The following PRKCE variants were observed in gnomAD, a reference collection of about 807,000 sequenced individuals.
The protein encoded by PRKCE is protein kinase C epsilon.
PRKCE carries 16 observed loss-of-function variants against 85.4 expected under a neutral mutation model. The ratio of observed to expected loss-of-function variants is 0.19; its 90% CI spans 0.13 to 0.28. PRKCE has a LOEUF of 0.28. Ranked by LOEUF, PRKCE falls within the 10% of genes least tolerant of loss-of-function variation. The pLI, the probability that PRKCE is intolerant of heterozygous loss-of-function variation, is 1.00. For missense variants in PRKCE, 573 were observed against 975.2 expected, an observed-to-expected ratio of 0.59 and a Z score of 5.49; for synonymous variants, 388 against 371.5, an observed-to-expected ratio of 1.04 and a Z score of -0.51.
Position 46,104,365 on chromosome 2 carries a change from C to A in PRKCE, c.1592+18003C>A, listed in dbSNP as rs567087758. ...TTTTCTTGATTGGTCTGTTGTAAATCCTGTGAAGTCATGCACAACATCTCA... is the reference window on the plus strand; with the variant it reads ...TTTTCTTGATTGGTCTGTTGTAAATACTGTGAAGTCATGCACAACATCTCA... On this transcript the variant is annotated intron_variant, in intron 11 of 14. Coordinates refer to ENST00000306156, the MANE Select transcript of PRKCE (RefSeq NM_005400.3). Among the ~76,000 whole-genome samples, 5 of 136,870 alleles carry A rather than the reference C, an allele frequency of 3.7e-5. No homozygotes were observed. In the South Asian group the frequency reaches 1.2e-3, roughly 32 times the overall value. 89.8% of individuals were successfully genotyped at this position (136,870 alleles called of 152,430 possible).
chr2:45,725,317 C>T (rs1387407815), intron 1 of PRKCE, among the ~76,000 whole-genome samples: 10 of 152,206 alleles, frequency 6.6e-5, no homozygotes, highest in Non-Finnish European at 1.2e-4. Context: ...ATTGACAGTG[C>T]ACCTAGTCAA....
chr2:46,091,994 C>T (rs939459083), intron 11 of PRKCE, among the ~76,000 whole-genome samples: 6 of 152,110 alleles, frequency 3.9e-5, no homozygotes, highest in Admixed American at 6.5e-5. Context: ...GCGTAAAGTC[C>T]GTTTTTCTTC....
At chr2:45,884,898 C>T (rs1488057370) in intron 2 of PRKCE, among the ~76,000 whole-genome samples, 2 of 148,146 alleles carry the variant, frequency 1.4e-5, no homozygotes, top group East Asian at 2.0e-4. Context: ...CATATACACA[C>T]GGACACAGAC....
intron 2 of PRKCE, among the ~76,000 whole-genome samples, chr2:45,940,591 G>A (rs1699801287): frequency 6.6e-6 from 1 of 152,124 alleles, no homozygotes; most frequent in African/African-American, 2.4e-5. Context: ...TGTATCCAGG[G>A]CCAGGTACAT....
At chr2:45,711,295 T>C (rs1573020910) in intron 1 of PRKCE, among the ~76,000 whole-genome samples, 1 of 152,200 alleles carries the variant, frequency 6.6e-6, no homozygotes, top group East Asian at 1.9e-4. Context: ...CTTTCCACAG[T>C]GCTGGGCATA....
At chr2:45,993,262 T>C (rs1703955554) in intron 6 of PRKCE, among the ~76,000 whole-genome samples, 1 of 152,208 alleles carries the variant, frequency 6.6e-6, no homozygotes, top group Non-Finnish European at 1.5e-5. Context: ...GGCCTCCCAG[T>C]GACACCTGCA....
intron 1 of PRKCE, among the ~76,000 whole-genome samples, chr2:45,696,954 C>T (rs1000452239): frequency 1.3e-5 from 2 of 152,174 alleles, no homozygotes; most frequent in African/African-American, 4.8e-5. Flanking sequence ...TCCCAGGGCC[C>T]CACACCCCAC....
At chr2:46,051,933 A>C (rs1708883540) in intron 10 of PRKCE, among the ~76,000 whole-genome samples, 1 of 152,170 alleles carries the variant, frequency 6.6e-6, no homozygotes, top group Non-Finnish European at 1.5e-5. Context: ...AAGCCATCAG[A>C]TCTCGTGAGA....
At chr2:46,050,162 T>G (rs1159647446) in intron 10 of PRKCE, among the ~76,000 whole-genome samples, 2 of 152,236 alleles carry the variant, frequency 1.3e-5, no homozygotes, top group Non-Finnish European at 2.9e-5. Flanking sequence ...TGAAGTCATT[T>G]CCCTGAAATC....
At chr2:46,053,168 G>A (rs1299011636) in intron 10 of PRKCE, among the ~76,000 whole-genome samples, 1 of 152,224 alleles carries the variant, frequency 6.6e-6, no homozygotes, top group Non-Finnish European at 1.5e-5. Flanking sequence ...AACATGGGGA[G>A]AAGCCCCACT....
intron 1 of PRKCE, among the ~76,000 whole-genome samples, chr2:45,772,849 T>C (rs12622534): frequency 0.43 from 64,595 of 151,930 alleles, 16,439 homozygotes; most frequent in Non-Finnish European, 0.56. Flanking sequence ...TGGAAAGGCA[T>C]GCTGCATGAA....
chr2:45,797,416 G>A (rs773406443), intron 1 of PRKCE, among the ~76,000 whole-genome samples: 7 of 152,194 alleles, frequency 4.6e-5, no homozygotes, highest in Non-Finnish European at 1.0e-4. Context: ...GTTTACACCT[G>A]TGGACCCAGT....
At chr2:45,747,171 G>C (rs992922674) in intron 1 of PRKCE, among the ~76,000 whole-genome samples, 1 of 152,082 alleles carries the variant, frequency 6.6e-6, no homozygotes, top group African/African-American at 2.4e-5. Flanking sequence ...AAACAACTGG[G>C]TATTTTTTTT....
intron 1 of PRKCE, among the ~76,000 whole-genome samples, chr2:45,710,074 G>A (rs1014943389): frequency 6.6e-6 from 1 of 152,210 alleles, no homozygotes; most frequent in African/African-American, 2.4e-5. Flanking sequence ...GGGATTACAG[G>A]CTTAGGCTAC....
intron 1 of PRKCE, among the ~76,000 whole-genome samples, chr2:45,824,326 T>G (rs967876592): frequency 6.6e-6 from 1 of 152,240 alleles, no homozygotes; most frequent in East Asian, 1.9e-4. Context: ...AACTCCTTTC[T>G]TTCCAAAGCC....
At chr2:45,862,639 C>T (rs774883913) in intron 2 of PRKCE, among the ~76,000 whole-genome samples, 1 of 152,132 alleles carries the variant, frequency 6.6e-6, no homozygotes, top group Non-Finnish European at 1.5e-5. Flanking sequence ...TCTGGGAAAC[C>T]AATTGCCAAG....
chr2:45,699,371 C>G (rs1164293645), intron 1 of PRKCE, among the ~76,000 whole-genome samples: 1 of 152,188 alleles, frequency 6.6e-6, no homozygotes, highest in African/African-American at 2.4e-5. Flanking sequence ...CTTTTTCTTT[C>G]TCTGTCTCTC....
intron 8 of PRKCE, among the ~76,000 whole-genome samples, chr2:46,006,210 G>A (rs13017044): frequency 0.22 from 33,315 of 152,206 alleles, 4,023 homozygotes; most frequent in African/African-American, 0.31. Context: ...CCCTTGTAAA[G>A]ACACATAGAA....
intron 1 of PRKCE, among the ~76,000 whole-genome samples, chr2:45,691,591 G>T (rs557113056): frequency 3.3e-5 from 5 of 152,368 alleles, no homozygotes; most frequent in African/African-American, 1.2e-4. Context: ...TCGTTGACTT[G>T]AAAGTGCATC....
Sources: allele counts gnomAD v4.1 joint callset (sites outside exome capture counted in the v4.1 genomes callset), GRCh38; gene constraint gnomAD v4.1.1; transcripts MANE v1.5; gene names NCBI Gene and HGNC (gene_info 2026-07-23, HGNC 2026-07-21).